The following ERC1 variants were observed in gnomAD, a reference collection of about 807,000 sequenced individuals.
ERC1 encodes the protein ELKS/RAB6-interacting/CAST family member 1.
In ERC1, 56 loss-of-function variants were observed where a neutral mutation model predicts 132.0. The ratio of observed to expected loss-of-function variants is 0.42; its 90% CI spans 0.34 to 0.53. The LOEUF (loss-of-function observed/expected upper bound fraction) is 0.53. Ranked by LOEUF, ERC1 falls within the 20% of genes least tolerant of loss-of-function variation. ERC1 has a pLI of 0.03. For synonymous variants in ERC1, 478 were observed against 476.1 expected (o/e 1.00, Z -0.05); for missense variants, 1,202 against 1,349.9 (o/e 0.89, Z 1.72).
chr12:1,180,827 T>A (rs1594019698), intron 9 of ERC1, 150 bp downstream of exon 9: 1 of 894,664 alleles, frequency 1.1e-6, no homozygotes, highest in East Asian at 2.6e-5. Flanking sequence ...AGGGAAACAT[T>A]TTTTTTAGAT....
intron 15 of ERC1, among the ~76,000 whole-genome samples, chr12:1,347,191 G>A (rs992327479): frequency 2.8e-4 from 42 of 152,080 alleles, no homozygotes; most frequent in African/African-American, 8.9e-4. Context: ...ACTGTTTCAC[G>A]GTATGCTTAT....
chr12:1,119,260 T>C (rs1027311132), intron 7 of ERC1, among the ~76,000 whole-genome samples: 1 of 82,726 alleles, frequency 1.2e-5, no homozygotes, highest in Non-Finnish European at 2.6e-5. Context: ...TTTGTTTTGT[T>C]TTTTTTGTTT....
At chr12:1,179,657 G>T (rs200683786) in intron 8 of ERC1, among the ~76,000 whole-genome samples, 16 of 150,326 alleles carry the variant, frequency 1.1e-4, no homozygotes, top group South Asian at 4.2e-4. Context: ...ACAGGCGCCC[G>T]CCACTACGCC....
At chr12:1,040,324 CT>C (rs956609769) in intron 2 of ERC1, among the ~76,000 whole-genome samples, 188 of 138,020 alleles carry the variant, frequency 1.4e-3, no homozygotes, top group Non-Finnish European at 1.2e-3. Flanking sequence ...TTTCTTTTTT[CT>C]TTTTTTTTTT....
At chr12:1,302,457 A>T (rs745523306) in intron 15 of ERC1, among the ~76,000 whole-genome samples, 2 of 152,210 alleles carry the variant, frequency 1.3e-5, no homozygotes, top group Non-Finnish European at 2.9e-5. Flanking sequence ...CCTATTCAAT[A>T]CTATATTGGA....
chr12:1,071,665 T>C (rs1046502835), intron 2 of ERC1, among the ~76,000 whole-genome samples: 10 of 152,122 alleles, frequency 6.6e-5, no homozygotes, highest in African/African-American at 1.9e-4. Flanking sequence ...TTTTTAAAAT[T>C]TTTCCTCATC....
chr12:1,180,672 G>GAGA lies in ERC1; in HGVS notation c.1872_1874dup (p.Lys625dup). 1 of 1,613,986 alleles carries GAGA rather than the reference G, an allele frequency of 6.2e-7. No homozygotes were observed. The highest frequency in any genetic ancestry group is 8.5e-7 in the Non-Finnish European group (1 of 1,180,022). The stretch of plus-strand genomic sequence containing the variant: ...GACAACTTTGGAGGAGGCCCTTGCA[G>GAGA]AGAAAGTGAGTGGCTGGCCCCAACT... On this transcript the variant is annotated inframe_insertion, in exon 9 of 19. Coordinates refer to ENST00000360905, the MANE Select transcript of ERC1 (RefSeq NM_178040.4).
chr12:1,358,238 CTTTTTTTTTTTTCAAATAATACATTAGAT>C (rs2085732225), intron 15 of ERC1, among the ~76,000 whole-genome samples: 1 of 142,180 alleles, frequency 7.0e-6, no homozygotes, highest in Non-Finnish European at 1.5e-5. Context: ...AAACACTAAA[CTTTTTTTTTTTTCAAATAATACATTAGAT>C]AGAACCAACC....
At chr12:1,263,587 G>GGAC (rs1473351009) in intron 14 of ERC1, among the ~76,000 whole-genome samples, 1 of 152,170 alleles carries the variant, frequency 6.6e-6, no homozygotes, top group Non-Finnish European at 1.5e-5. Flanking sequence ...CTAATGTATT[G>GGAC]GACGAGATGA....
chr12:1,253,289 A>G (rs565651328), intron 13 of ERC1, among the ~76,000 whole-genome samples: 24 of 152,248 alleles, frequency 1.6e-4, no homozygotes, highest in African/African-American at 3.8e-4. Flanking sequence ...CTTGTTAACA[A>G]TTTTTGAGGG....
chr12:1,363,522 C>A (rs1943317170), intron 15 of ERC1, among the ~76,000 whole-genome samples: 1 of 149,886 alleles, frequency 6.7e-6, no homozygotes, highest in South Asian at 2.1e-4. Flanking sequence ...CTACCCATTC[C>A]CTTGTAAGTG....
intron 12 of ERC1, among the ~76,000 whole-genome samples, chr12:1,196,838 C>CTG (rs369394950): frequency 0.19 from 18,841 of 99,272 alleles, 3,679 homozygotes; most frequent in African/African-American, 0.37. Flanking sequence ...CTCTGTCTGT[C>CTG]TCTCTGTCTG....
intron 18 of ERC1, among the ~76,000 whole-genome samples, chr12:1,471,167 G>A (rs760030283): frequency 2.0e-5 from 3 of 152,154 alleles, no homozygotes; most frequent in Non-Finnish European, 4.4e-5. Flanking sequence ...GCACACACCC[G>A]TAGTCCCAGC....
intron 11 of ERC1, among the ~76,000 whole-genome samples, chr12:1,188,447 AAAACTGGGAAACCACGTG>A (rs1286240193): frequency 6.6e-6 from 1 of 152,202 alleles, no homozygotes; most frequent in East Asian, 1.9e-4. Flanking sequence ...TAACAACTCA[AAAACTGGGAAACCACGTG>A]AAACAACTGA....
intron 15 of ERC1, among the ~76,000 whole-genome samples, chr12:1,331,080 C>T (rs573029948): frequency 1.4e-4 from 22 of 152,226 alleles, no homozygotes; most frequent in African/African-American, 5.1e-4. Flanking sequence ...TTTTTGCAGT[C>T]TGAAAAATTT....
rs142846830 is a variant in ERC1 at position 1,144,614 on chromosome 12, G to GTATATA, written c.1737+2842_1737+2847dup. Among the ~76,000 whole-genome samples, 129 of 132,290 alleles carry GTATATA rather than the reference G, an allele frequency of 9.8e-4. 2 individuals carry two copies. Among genetic ancestry groups the GTATATA allele is most frequent in the African/African-American group, 3.7e-3 (119 of 31,996 alleles). 86.8% of individuals were successfully genotyped at this position (132,290 alleles called of 152,430 possible). ...TTTTATGGCTGAGTAGAATTTTGTGGTATATATATATATATATATACGTGT... is the reference window on the plus strand; with the variant it reads ...TTTTATGGCTGAGTAGAATTTTGTGGTATATATATATATATATATATATATACGTGT... On this transcript the variant is annotated intron_variant, in intron 8 of 18. Transcript: ENST00000360905.
intron 2 of ERC1, among the ~76,000 whole-genome samples, chr12:1,060,572 G>A (rs36011250): frequency 0.19 from 28,372 of 151,876 alleles, 3,358 homozygotes; most frequent in Non-Finnish European, 0.25. Context: ...ACATTGAGGC[G>A]GCAAGAGAAA....
rs1401777567 is a variant in ERC1 at position 1,138,255 on chromosome 12, T to C, written c.1570-3365T>C. Among the ~76,000 whole-genome samples, 6 of 134,142 alleles carry C rather than the reference T, an allele frequency of 4.5e-5. No homozygotes were observed. In the East Asian group the frequency reaches 1.2e-3, roughly 28 times the overall value. The allele number at this position is 134,142 out of a possible 152,430, so 88.0% of individuals were successfully genotyped here. The stretch of plus-strand genomic sequence containing the variant: ...TATAATATAATTACAATATATGATA[T>C]ATATTATATAATATAATTACAATAT... On this transcript the variant is annotated intron_variant, in intron 7 of 18. Transcript: ENST00000360905.
At chr12:1,179,590 C>T (rs1450633200) in intron 8 of ERC1, among the ~76,000 whole-genome samples, 2 of 146,834 alleles carry the variant, frequency 1.4e-5, no homozygotes, top group Non-Finnish European at 3.0e-5. Context: ...TCACTGCAGG[C>T]TCCGCCTCCC....
Sources: gnomAD v4.1 joint callset for allele counts (sites outside exome capture counted in the v4.1 genomes callset) on GRCh38, gnomAD v4.1.1 for gene constraint, MANE v1.5 for transcripts, NCBI Gene and HGNC (gene_info 2026-07-23, HGNC 2026-07-21) for gene names.